The following PUDP variants were observed in gnomAD, a reference collection of about 807,000 sequenced individuals.
The protein encoded by PUDP is pseudouridine-5'-phosphatase.
Under a neutral mutation model 9.4 loss-of-function variants are expected in PUDP, and 8 were observed. The observed-to-expected ratio is 0.85, with a 90% CI of 0.50 to 1.53. The LOEUF (loss-of-function observed/expected upper bound fraction) is 1.53, where lower values mean the gene tolerates loss of function less well. Among genes scored for constraint, PUDP ranks in the 40% most tolerant of loss-of-function variants. The probability of loss-of-function intolerance (pLI) is 0.00; values close to 1 mark genes in which losing one functional copy is unlikely to be tolerated. For synonymous variants in PUDP, 99 were observed against 80.7 expected (o/e 1.23, Z -1.22); for missense variants, 188 against 189.7 (o/e 0.99, Z 0.05).
chrX:7,027,941 A>G (rs1203441495), intron 1 of PUDP, among the ~76,000 whole-genome samples: 1 of 102,011 alleles, frequency 9.8e-6, no homozygotes, highest in Non-Finnish European at 2.0e-5. Flanking sequence ...TAGACTATAT[A>G]TAGACTATAT....
At chrX:7,053,705 G>A (rs1358922109) in intron 3 of PUDP, among the ~76,000 whole-genome samples, 1 of 111,598 alleles carries the variant, frequency 9.0e-6, no homozygotes. Flanking sequence ...TCAGCAGTGT[G>A]AAAATGGACT....
At chrX:6,987,116 C>T (rs964532473) in intron 1 of PUDP, among the ~76,000 whole-genome samples, 2 of 112,091 alleles carry the variant, frequency 1.8e-5, no homozygotes, top group Non-Finnish European at 3.8e-5. Flanking sequence ...AAGAATTATA[C>T]GTGTGAGCTT....
At chrX:6,822,528 G>A (rs967413799) in intron 3 of PUDP, among the ~76,000 whole-genome samples, 1 of 111,809 alleles carries the variant, frequency 8.9e-6, no homozygotes. Flanking sequence ...CCGGGTTCAA[G>A]CTATTCTTCT....
intron 2 of PUDP, among the ~76,000 whole-genome samples, chrX:6,977,401 T>A (rs1399286815): frequency 8.9e-6 from 1 of 112,131 alleles, no homozygotes; most frequent in Non-Finnish European, 1.9e-5. Context: ...GTATACACCT[T>A]CAAGGAATTT....
chrX:7,041,860 T>C lies in PUDP; in HGVS notation c.204+35360A>G, dbSNP rs1266015649. On this transcript the variant is annotated intron_variant and NMD_transcript_variant, in intron 1 of 3. Transcript: ENST00000655425. ...CTCAGCTTCTACTTCCCAGTCTCTC[T>C]CTCTCTCTTTTTTTTTTTTTTGAGA... Among the ~76,000 whole-genome samples, 35 of 51,449 alleles carry C rather than the reference T, an allele frequency of 6.8e-4. No homozygotes were observed. The Admixed American group carries it at 7.5e-3, about 11-fold the overall frequency. 44.7% of individuals were successfully genotyped at this position (51,449 alleles called of 115,157 possible). A position where few individuals can be genotyped will look rare whatever the true frequency, so the allele number is the denominator to read the frequency against.
chrX:6,771,307 G>A (rs1276899688), intron 3 of PUDP, among the ~76,000 whole-genome samples: 1 of 111,789 alleles, frequency 8.9e-6, no homozygotes, highest in African/African-American at 3.3e-5. Context: ...TTCTTTGCAC[G>A]CTGGAATTAT....
At chrX:6,775,336 C>T (rs1367713773) in intron 3 of PUDP, among the ~76,000 whole-genome samples, 1 of 111,228 alleles carries the variant, frequency 9.0e-6, no homozygotes. Context: ...TTTGTTTATC[C>T]ATTAATCTGT....
At chrX:6,822,265 A>G (rs909295452) in intron 3 of PUDP, among the ~76,000 whole-genome samples, 3 of 111,756 alleles carry the variant, frequency 2.7e-5, no homozygotes, top group African/African-American at 9.8e-5. Flanking sequence ...ACCTGGGTAA[A>G]GGTATATCTT....
chrX:6,888,490 A>T (rs781384881), intron 3 of PUDP, among the ~76,000 whole-genome samples: 1 of 109,008 alleles, frequency 9.2e-6, no homozygotes, highest in African/African-American at 3.3e-5. Context: ...AAAAAAAAAA[A>T]TACAAAAAAA....
intron 1 of PUDP, among the ~76,000 whole-genome samples, chrX:7,023,987 T>C (rs1225232934): frequency 8.9e-6 from 1 of 112,138 alleles, no homozygotes; most frequent in Non-Finnish European, 1.9e-5. Context: ...CTGAAAATAG[T>C]ATTGATTCTT....
chrX:7,015,919 G>A (rs749689884), intron 1 of PUDP, among the ~76,000 whole-genome samples: 107 of 110,699 alleles, frequency 9.7e-4, no homozygotes, highest in African/African-American at 3.4e-3. Context: ...GGAAGGTAGA[G>A]GGAAAATTAG....
chrX:7,028,000 C>T (rs1929743043), intron 1 of PUDP, among the ~76,000 whole-genome samples: 1 of 102,214 alleles, frequency 9.8e-6, no homozygotes, highest in Non-Finnish European at 2.0e-5. Context: ...TATATATTGT[C>T]TAGACTATAT....
At chrX:7,035,052 C>T (rs1929837101) in intron 1 of PUDP, among the ~76,000 whole-genome samples, 1 of 111,770 alleles carries the variant, frequency 8.9e-6, no homozygotes, top group Non-Finnish European at 1.9e-5. Flanking sequence ...AATAACATTC[C>T]TGTTCCTTGA....
intron 3 of PUDP, among the ~76,000 whole-genome samples, chrX:6,862,426 A>T (rs1927015419): frequency 8.9e-6 from 1 of 112,637 alleles, no homozygotes; most frequent in African/African-American, 3.2e-5. Context: ...ATTCCTAAAG[A>T]TGTTCATTTT....
chrX:6,992,764 T>A (rs1427821460), intron 1 of PUDP, among the ~76,000 whole-genome samples: 1 of 111,525 alleles, frequency 9.0e-6, no homozygotes, highest in Non-Finnish European at 1.9e-5. Context: ...GGTGTGTCTG[T>A]GAGGGTGTTG....
Position 7,105,779 on chromosome X carries a change from A to G in PUDP, c.121T>C (p.Tyr41His), listed in dbSNP as rs1931862031. The change falls in exon 2 of 4, where the codon TAC (tyrosine) becomes CAC (histidine). Residue 41 changes from tyrosine (Y) to histidine (H), a missense_variant. By Grantham distance (83) the Tyr-to-His change is moderately conservative. Coordinates refer to ENST00000381077, the MANE Select transcript of PUDP (RefSeq NM_012080.5). ...QEICNRYDKK[Y>H]SWDVKSLVMG... ...ACCAGGGACTTTACATCCCAGCTGT[A>G]TTTCTTGTCATAGCGATTACATATT... The G allele has an allele frequency of 7.4e-6, 9 of 1,208,274 alleles. No homozygotes were observed. The highest frequency in any genetic ancestry group is 9.0e-6 in the Non-Finnish European group (8 of 893,010).
chrX:7,062,350 G>A (rs1055461599), intron 3 of PUDP, among the ~76,000 whole-genome samples: 1 of 111,802 alleles, frequency 8.9e-6, no homozygotes, highest in Non-Finnish European at 1.9e-5. Flanking sequence ...CATTCACCAG[G>A]ATTTGGAAGG....
chrX:6,715,693 C>T (rs1315102419), intron 1 of PUDP, among the ~76,000 whole-genome samples: 3 of 112,080 alleles, frequency 2.7e-5, no homozygotes, highest in Admixed American at 9.5e-5. Context: ...GGACTCAGGA[C>T]GAAGTGAGTT....
intron 3 of PUDP, among the ~76,000 whole-genome samples, chrX:6,911,714 T>G (rs1471521011): frequency 8.9e-6 from 1 of 112,241 alleles, no homozygotes; most frequent in Non-Finnish European, 1.9e-5. Flanking sequence ...TTTAGAAGTG[T>G]GTTCTTATTT....
Sources: gnomAD v4.1 joint callset for allele counts (sites outside exome capture counted in the v4.1 genomes callset) on GRCh38, gnomAD v4.1.1 for gene constraint, MANE v1.5 for transcripts, NCBI Gene and HGNC (gene_info 2026-07-23, HGNC 2026-07-21) for gene names.